PRDM1: variants seen among roughly 807,000 people sequenced by gnomAD.
PRDM1 encodes PR/SET domain 1.
In PRDM1, 13 loss-of-function variants were observed where a neutral mutation model predicts 62.8. That is an observed-to-expected ratio of 0.21 (90% CI 0.13 to 0.33). The LOEUF (loss-of-function observed/expected upper bound fraction) is 0.33, where lower values mean the gene tolerates loss of function less well. PRDM1 is among the 10% of genes least tolerant of loss of function. PRDM1 has a pLI of 1.00. For missense variants in PRDM1, 895 were observed against 1,058.8 expected (o/e 0.85, Z 2.15); for synonymous variants, 396 against 417.6 (o/e 0.95, Z 0.63).
chr6:106,101,054 G>A (rs1284714429), intron 4 of PRDM1, among the ~76,000 whole-genome samples: 1 of 151,988 alleles, frequency 6.6e-6, no homozygotes, highest in Non-Finnish European at 1.5e-5. Flanking sequence ...AGTAACAAAC[G>A]ACAAATGCAC....
At chr6:106,052,545 C>T (rs572915869) in intron 1 of PRDM1, among the ~76,000 whole-genome samples, 7 of 151,978 alleles carry the variant, frequency 4.6e-5, no homozygotes, top group Non-Finnish European at 7.4e-5. Flanking sequence ...AAATATCTAG[C>T]GTATTAAATT....
At chr6:106,032,390 T>C (rs1044982286) in intron 1 of PRDM1, among the ~76,000 whole-genome samples, 3 of 150,880 alleles carry the variant, frequency 2.0e-5, no homozygotes, top group Admixed American at 1.3e-4. Context: ...GGTCTAGAAC[T>C]CTGGGCTCAA....
intron 1 of PRDM1, among the ~76,000 whole-genome samples, chr6:105,998,925 ATATATATATTTTTTTTTTT>A (rs1377038892): frequency 5.9e-3 from 12 of 2,022 alleles, no homozygotes; most frequent in East Asian, 0.041. Flanking sequence ...ATATATATAT[ATATATATATTTTTTTTTTT>A]TTTTTTCTTT....
intron 1 of PRDM1, among the ~76,000 whole-genome samples, chr6:106,006,072 C>T (rs1218925060): frequency 6.6e-6 from 1 of 152,188 alleles, no homozygotes; most frequent in Non-Finnish European, 1.5e-5. Context: ...CTTACTTTCT[C>T]ACAGCCTCCA....
intron 4 of PRDM1, chr6:106,100,688 C>A (rs1774242831): frequency 6.6e-6 from 1 of 152,168 alleles, no homozygotes; most frequent in Admixed American, 6.5e-5. Context: ...GGTATTCATT[C>A]CACACTTCAT....
At position 106,048,969 on chromosome 6, in the gene PRDM1, C is replaced by T. The variant is rs1432317729; in HGVS notation, c.-67+255C>T. 2.0e-5 allele frequency among the ~76,000 whole-genome samples: 3 copies of T among 152,108 alleles called. No homozygotes were observed. The East Asian group carries it at 5.8e-4, about 29-fold the overall frequency. ...TAGCTGGGATTACAGGCATGTGCCACCACACTCAGCTAATTTTTGTATCTT... is the reference window on the plus strand; with the variant it reads ...TAGCTGGGATTACAGGCATGTGCCATCACACTCAGCTAATTTTTGTATCTT... On this transcript the variant is annotated intron_variant, in intron 1 of 6. Coordinates refer to the PRDM1 transcript ENST00000651185.
chr6:105,998,181 T>G (rs1196069704), intron 1 of PRDM1, among the ~76,000 whole-genome samples: 1 of 152,242 alleles, frequency 6.6e-6, no homozygotes, highest in African/African-American at 2.4e-5. Flanking sequence ...ATTTGAAATA[T>G]CTGTATATTG....
intron 1 of PRDM1, among the ~76,000 whole-genome samples, chr6:106,012,214 T>C (rs1582425400): frequency 8.3e-6 from 1 of 120,380 alleles, no homozygotes; most frequent in African/African-American, 3.3e-5. Flanking sequence ...ACCACACTCC[T>C]CCACATTCAC....
chr6:106,105,960 G>C, intron 5 of PRDM1, 27 bp downstream of exon 5: 1 of 1,589,978 alleles, frequency 6.3e-7, no homozygotes, highest in Non-Finnish European at 8.6e-7. Context: ...AGCAGTCCAA[G>C]GGGCTGTGAG....
chr6:105,993,982 G>A (rs1397374440), intron 1 of PRDM1, among the ~76,000 whole-genome samples: 1 of 152,240 alleles, frequency 6.6e-6, no homozygotes, highest in African/African-American at 2.4e-5. Context: ...GGGAATGTAA[G>A]CTGGATGTCT....
At position 106,108,521 on chromosome 6, in the gene PRDM1, C is replaced by CTTTTTT. The variant is rs5878868; in HGVS notation, c.*1051_*1056dup. 32 of 145,746 alleles carry CTTTTTT rather than the reference C, an allele frequency of 2.2e-4. No individual in the cohort carries two copies. Among genetic ancestry groups the CTTTTTT allele is most frequent in the South Asian group, 3.6e-4 (1 of 2,782 alleles). The allele number at this position is 145,746 out of a possible 1,614,324, so 9.0% of individuals were successfully genotyped here. On this transcript the variant is annotated 3_prime_UTR_variant, in exon 7 of 7. Coordinates refer to ENST00000369096, the MANE Select transcript of PRDM1 (RefSeq NM_001198.4). The stretch of plus-strand genomic sequence containing the variant: ...GGTGTTTTGTTGTTGGTTTTTGTTG[C>CTTTTTT]TTTTTTTTTTTTTTTTTTTTTAATG...
chr6:106,095,949 T>C (rs554147377), intron 3 of PRDM1: 9 of 489,588 alleles, frequency 1.8e-5, no homozygotes, highest in Admixed American at 1.3e-4. Flanking sequence ...ATACGGGCTA[T>C]ATGTGAATCT....
At position 106,106,371 on chromosome 6, in the gene PRDM1, G is replaced by A. The variant is rs2114659971; in HGVS notation, c.1774G>A (p.Val592Ile). The stretch of plus-strand genomic sequence containing the variant: ...GCTAACACATGTGGCTTCTTCCCAG[G>A]TCCACCTGAGAGTGCACAGTGGAGA... ...KTFGQLSNLK[V>I]HLRVHSGERP... Residue 592 changes from valine to isoleucine, a missense_variant and splice_region_variant, in exon 6 of 7, where the codon GTC becomes ATC. Physicochemically the swap from Val to Ile is conservative, Grantham distance 29 (BLOSUM62 3). Transcript: ENST00000369096. The surrounding 1 kb of genome is among the most constrained non-coding windows in gnomAD (Gnocchi z 4.4). 6.2e-7 allele frequency: 1 copy of A among 1,614,118 alleles called. No individual in the cohort carries two copies. The highest frequency in any genetic ancestry group is 8.5e-7 in the Non-Finnish European group (1 of 1,180,024).
rs562506485 is a variant in PRDM1, at chr6:106,099,074, G to A, written c.412-226G>A. ...GTTATTTTCCCGAACATGAAAAGAC[G>A]ATAAAACTGAAATGGAAAAGGTAAC... is the stretch of plus-strand genomic sequence containing the variant. On this transcript the variant is annotated intron_variant, in intron 3 of 6. Transcript: ENST00000369096. 1.6e-4 allele frequency: 264 copies of A among 1,614,028 alleles called. 3 individuals carry two copies. The South Asian group carries it at 2.7e-3, about 17-fold the overall frequency.
rs1774583427 is a variant in PRDM1, at chr6:106,108,535, T to TG, written c.*1049_*1050insG. The TG allele has an allele frequency of 4.4e-6, 1 of 226,806 alleles. No homozygotes were observed. Among genetic ancestry groups the TG allele is most frequent in the Non-Finnish European group, 8.7e-6 (1 of 115,398 alleles). 14.0% of individuals were successfully genotyped at this position (226,806 alleles called of 1,614,324 possible). A position where few individuals can be genotyped will look rare whatever the true frequency, so the allele number is the denominator to read the frequency against. On this transcript the variant is annotated 3_prime_UTR_variant, in exon 7 of 7. Coordinates refer to ENST00000369096, the MANE Select transcript of PRDM1 (RefSeq NM_001198.4). ...GGTTTTTGTTGCTTTTTTTTTTTTTTTTTTTTTAATGTCAAAATTGCACAA... is the reference window on the plus strand; with the variant it reads ...GGTTTTTGTTGCTTTTTTTTTTTTTTGTTTTTTTAATGTCAAAATTGCACAA...
At chr6:106,028,622 T>C (rs1772796514) in intron 1 of PRDM1, among the ~76,000 whole-genome samples, 1 of 152,226 alleles carries the variant, frequency 6.6e-6, no homozygotes, top group African/African-American at 2.4e-5. Flanking sequence ...TTTTTCTACC[T>C]TATTAAGGTA....
At chr6:106,009,672 G>A (rs1295421067) in intron 1 of PRDM1, among the ~76,000 whole-genome samples, 1 of 152,100 alleles carries the variant, frequency 6.6e-6, no homozygotes, top group Non-Finnish European at 1.5e-5. Context: ...AACTCAGGAC[G>A]AAAGTTTTGA....
intron 2 of PRDM1, among the ~76,000 whole-genome samples, chr6:106,091,201 C>T (rs1773950447): frequency 6.8e-6 from 1 of 147,896 alleles, no homozygotes; most frequent in South Asian, 2.1e-4. Flanking sequence ...GTTGAGACTG[C>T]TTGCACTCAA....
chr6:106,033,317 G>GTT (rs147098593), intron 1 of PRDM1, among the ~76,000 whole-genome samples: 80 of 136,270 alleles, frequency 5.9e-4, no homozygotes, highest in Middle Eastern at 3.7e-3. Context: ...GCTAATATTA[G>GTT]TTTTTTTTTT....
Sources: allele counts gnomAD v4.1 joint callset (sites outside exome capture counted in the v4.1 genomes callset), GRCh38; gene constraint gnomAD v4.1.1; non-coding constraint Gnocchi (gnomAD v3.1); transcripts MANE v1.5; gene names NCBI Gene and HGNC (gene_info 2026-07-23, HGNC 2026-07-21).